NDFIP2: variants seen among roughly 807,000 people sequenced by gnomAD.
NDFIP2 encodes the protein Nedd4 family interacting protein 2.
NDFIP2 carries 19 observed loss-of-function variants against 36.0 expected under a neutral mutation model. The observed-to-expected ratio is 0.53, with a 90% confidence interval of 0.37 to 0.77. The LOEUF (loss-of-function observed/expected upper bound fraction) is 0.77, where lower values mean the gene tolerates loss of function less well. Among genes scored for constraint, NDFIP2 ranks in the 30% least tolerant of loss-of-function variants. The pLI is 0.00. For synonymous variants in NDFIP2, 181 were observed against 167.7 expected (o/e 1.08, Z -0.61); for missense variants, 446 against 435.8 (o/e 1.02, Z -0.21).
At chr13:79,547,885 G>A (rs887323818) in intron 5 of NDFIP2, among the ~76,000 whole-genome samples, 10 of 152,194 alleles carry the variant, frequency 6.6e-5, no homozygotes, top group South Asian at 4.1e-4. Context: ...TTCTTTTGGA[G>A]GTCAGCAGAA....
chr13:79,490,562 T>C (rs138973522), intron 1 of NDFIP2, among the ~76,000 whole-genome samples: 8 of 152,246 alleles, frequency 5.3e-5, no homozygotes, highest in Non-Finnish European at 7.4e-5. Flanking sequence ...AGATCTGCCA[T>C]TGTAGTGCAG....
At chr13:79,536,598 T>A (rs1875252741) in intron 3 of NDFIP2, among the ~76,000 whole-genome samples, 1 of 152,230 alleles carries the variant, frequency 6.6e-6, no homozygotes, top group South Asian at 2.1e-4. Flanking sequence ...ACATCTTATA[T>A]AAATATTTCC....
intron 4 of NDFIP2, among the ~76,000 whole-genome samples, chr13:79,541,985 C>G (rs1875472295): frequency 6.6e-6 from 1 of 152,094 alleles, no homozygotes; most frequent in Non-Finnish European, 1.5e-5. Flanking sequence ...TCTCAAAATC[C>G]TTTTAAAGTG....
chr13:79,503,772 G>C (rs1873756078), intron 1 of NDFIP2, among the ~76,000 whole-genome samples: 1 of 152,140 alleles, frequency 6.6e-6, no homozygotes, highest in African/African-American at 2.4e-5. Flanking sequence ...TGGGTGGAGA[G>C]CTGGCTTATA....
intron 1 of NDFIP2, among the ~76,000 whole-genome samples, chr13:79,502,005 T>G (rs1220709544): frequency 1.3e-5 from 2 of 152,128 alleles, no homozygotes; most frequent in Non-Finnish European, 2.9e-5. Flanking sequence ...GTTTTAGTGA[T>G]TAATGAGATG....
At chr13:79,504,596 C>A (rs1272483651) in intron 1 of NDFIP2, among the ~76,000 whole-genome samples, 1 of 151,458 alleles carries the variant, frequency 6.6e-6, no homozygotes, top group Non-Finnish European at 1.5e-5. Flanking sequence ...ACATTACACT[C>A]AGTTATCAAG....
chr13:79,533,996 T>G (rs1230442118), intron 3 of NDFIP2, among the ~76,000 whole-genome samples: 1 of 152,198 alleles, frequency 6.6e-6, no homozygotes, highest in African/African-American at 2.4e-5. Context: ...CTTTATCCCT[T>G]GACTTCCTCT....
intron 7 of NDFIP2, 133 bp downstream of exon 7, chr13:79,551,255 A>G (rs1367356542): frequency 2.3e-6 from 1 of 433,732 alleles, no homozygotes; most frequent in Non-Finnish European, 4.1e-6. Flanking sequence ...TACTGCTAAC[A>G]GTCAGCTTAT....
chr13:79,485,431 A>G (rs984691563), intron 1 of NDFIP2, among the ~76,000 whole-genome samples: 2 of 152,234 alleles, frequency 1.3e-5, no homozygotes, highest in African/African-American at 2.4e-5. Context: ...ACTGAATAGT[A>G]CATGTTCTGG....
In NDFIP2 at chr13:79,520,883, T is replaced by C. The variant is rs752520267; in HGVS notation, c.395T>C (p.Ile132Thr). The C allele has an allele frequency of 1.9e-6, 3 of 1,613,946 alleles. No individual in the cohort carries two copies. Among genetic ancestry groups the C allele is most frequent in the Non-Finnish European group, 2.5e-6 (3 of 1,179,840 alleles). The change falls in exon 2 of 8, where the codon ATT (isoleucine) becomes ACT (threonine). Residue 132 changes from isoleucine (I) to threonine (T), a missense_variant. This residue lies in a region of NDFIP2 where 369 missense variants were observed against 304.8 expected (regional missense o/e 1.21). Coordinates refer to ENST00000218652, the MANE Select transcript of NDFIP2 (RefSeq NM_019080.3). ...QPPTSNPAPQIVQAASSAPAL... is the reference protein window; with the variant it reads ...QPPTSNPAPQTVQAASSAPAL... The stretch of plus-strand genomic sequence containing the variant: ...CCTACTTCAAACCCAGCACCGCAGA[T>C]TGTGCAGGCTGCGTCTTCAGCACCA...
chr13:79,495,645 G>A (rs947424987), intron 1 of NDFIP2, among the ~76,000 whole-genome samples: 2 of 151,764 alleles, frequency 1.3e-5, no homozygotes, highest in Non-Finnish European at 3.0e-5. Flanking sequence ...TTATAGTTAG[G>A]TCTTACTTTT....
At chr13:79,488,852 AT>A (rs1313067233) in intron 1 of NDFIP2, among the ~76,000 whole-genome samples, 1 of 152,326 alleles carries the variant, frequency 6.6e-6, no homozygotes, top group East Asian at 1.9e-4. Context: ...TAAATAATAA[AT>A]TCTATCAATT....
Position 79,552,602 on chromosome 13 carries a change from A to G in NDFIP2, c.*89A>G, listed in dbSNP as rs1186792520. 1 of 151,936 alleles carries G rather than the reference A, an allele frequency of 6.6e-6. No individual in the cohort carries two copies. Among genetic ancestry groups the G allele is most frequent in the East Asian group, 1.9e-4 (1 of 5,200 alleles). The allele number at this position is 151,936 out of a possible 1,614,324, so 9.4% of individuals were successfully genotyped here. ...CTACAACTTTAATAGAAGACTACTA[A>G]TAACAGAAGACAAATTAGTGAAGAA... On this transcript the variant is annotated 3_prime_UTR_variant, in exon 8 of 8. Transcript: ENST00000218652.
chr13:79,548,030 A>G (rs1214679311), intron 5 of NDFIP2, among the ~76,000 whole-genome samples: 2 of 152,106 alleles, frequency 1.3e-5, no homozygotes, highest in South Asian at 2.1e-4. Context: ...GAAATTTCTA[A>G]TAAGAAAATG....
At chr13:79,497,734 G>A (rs1873493044) in intron 1 of NDFIP2, among the ~76,000 whole-genome samples, 1 of 135,502 alleles carries the variant, frequency 7.4e-6, no homozygotes, top group African/African-American at 2.7e-5. Flanking sequence ...CTTTCATGTT[G>A]GAAGTTTTCT....
At chr13:79,523,020 C>T (rs1279850469) in intron 2 of NDFIP2, among the ~76,000 whole-genome samples, 1 of 152,172 alleles carries the variant, frequency 6.6e-6, no homozygotes, top group South Asian at 2.1e-4. Context: ...TCTCCTTCTA[C>T]AGTCTCTCCT....
At chr13:79,488,388 TA>T (rs527718421) in intron 1 of NDFIP2, among the ~76,000 whole-genome samples, 91 of 151,342 alleles carry the variant, frequency 6.0e-4, no homozygotes, top group African/African-American at 1.4e-3. Flanking sequence ...TTTAGCTCAT[TA>T]AAAAAAAATT....
intron 5 of NDFIP2, among the ~76,000 whole-genome samples, chr13:79,547,754 G>C (rs1875741838): frequency 6.6e-6 from 1 of 152,110 alleles, no homozygotes; most frequent in South Asian, 2.1e-4. Flanking sequence ...TCAGCTCTCT[G>C]TTGGGAACTG....
At chr13:79,508,323 G>A (rs1470765567) in intron 1 of NDFIP2, among the ~76,000 whole-genome samples, 1 of 152,196 alleles carries the variant, frequency 6.6e-6, no homozygotes, top group East Asian at 1.9e-4. Context: ...AAGGGGTCTG[G>A]ATCAGAGAGC....
Sources: gnomAD v4.1 joint callset for allele counts (sites outside exome capture counted in the v4.1 genomes callset) on GRCh38, gnomAD v4.1.1 for gene constraint, gnomAD v4.1.1 regional missense constraint, MANE v1.5 for transcripts, NCBI Gene and HGNC (gene_info 2026-07-23, HGNC 2026-07-21) for gene names.